TMC5: variants seen among roughly 807,000 people sequenced by gnomAD.
TMC5 encodes the protein transmembrane channel-like protein 5.
A neutral mutation model predicts 110.5 loss-of-function variants in TMC5; 86 were observed. The ratio of observed to expected loss-of-function variants is 0.78; its 90% CI spans 0.65 to 0.93. The LOEUF (loss-of-function observed/expected upper bound fraction) is 0.93, where lower values mean the gene tolerates loss of function less well. Among genes scored for constraint, TMC5 ranks in the 40% least tolerant of loss-of-function variants. The pLI, the probability that TMC5 is intolerant of heterozygous loss-of-function variation, is 0.00. For synonymous variants in TMC5, 455 were observed against 439.5 expected (o/e 1.04, Z -0.44); for missense variants, 1,144 against 1,222.8 (o/e 0.94, Z 0.96).
rs376452828 is a variant in TMC5 at position 19,445,038 on chromosome 16, A to G, written c.958+788A>G. ...GCCATACTCGGGAGGCTAAGGCAGA[A>G]GAATCACTTGAACCCAGGAGGCGGA... On this transcript the variant is annotated intron_variant, in intron 4 of 21. Transcript: ENST00000542583. Among the ~76,000 whole-genome samples the G allele has an allele frequency of 3.7e-4, 56 of 152,324 alleles. 1 individual carries two copies. The South Asian group carries it at 8.7e-3, about 24-fold the overall frequency.
At chr16:19,481,342 G>A (rs749466977) in intron 14 of TMC5, 28 bp from the exon 15 acceptor site, 1 of 1,493,032 alleles carries the variant, frequency 6.7e-7, no homozygotes, top group Non-Finnish European at 9.3e-7. Flanking sequence ...GTTATGGTTT[G>A]GGTACTAAAC....
At chr16:19,431,559 AGAAG>A (rs1483721284) in intron 2 of TMC5, among the ~76,000 whole-genome samples, 92 of 149,900 alleles carry the variant, frequency 6.1e-4, no homozygotes, top group African/African-American at 1.9e-3. Context: ...AAAAAAAAAA[AGAAG>A]AAGAAGAAGA....
chr16:19,453,876 T>G (rs1029886932), intron 5 of TMC5, among the ~76,000 whole-genome samples: 7 of 152,212 alleles, frequency 4.6e-5, no homozygotes, highest in African/African-American at 1.7e-4. Context: ...CGTGCTTATA[T>G]TCATTCATTT....
chr16:19,447,728 A>AT (rs997578959), intron 4 of TMC5, among the ~76,000 whole-genome samples: 6 of 151,668 alleles, frequency 4.0e-5, no homozygotes, highest in African/African-American at 1.5e-4. Flanking sequence ...CAATTTTTTT[A>AT]TTTTTTGTAG....
At chr16:19,497,274 G>T in intron 21 of TMC5, 111 bp downstream of exon 21, 3 of 1,162,014 alleles carry the variant, frequency 2.6e-6, no homozygotes, top group Admixed American at 1.9e-5. Context: ...TTGCAAATTG[G>T]ATCCAAACTG....
chr16:19,485,673 A>G (rs1242462399), intron 15 of TMC5, among the ~76,000 whole-genome samples: 1 of 152,248 alleles, frequency 6.6e-6, no homozygotes, highest in African/African-American at 2.4e-5. Context: ...AGAAATCACA[A>G]ATAACTGGAA....
intron 5 of TMC5, among the ~76,000 whole-genome samples, chr16:19,458,255 G>T (rs896672926): frequency 6.6e-5 from 10 of 152,060 alleles, no homozygotes; most frequent in Non-Finnish European, 1.5e-4. Flanking sequence ...TTGTTGCCCA[G>T]GCTGAAGTGC....
intron 1 of TMC5, among the ~76,000 whole-genome samples, chr16:19,418,620 T>C (rs764527563): frequency 9.9e-5 from 15 of 152,146 alleles, no homozygotes; most frequent in Non-Finnish European, 2.2e-4. Flanking sequence ...AAAATCTATT[T>C]ACTTCTTTAT....
upstream of TMC5, among the ~76,000 whole-genome samples, chr16:19,413,303 C>A (rs1167469647): frequency 6.6e-6 from 1 of 151,790 alleles, no homozygotes; most frequent in Non-Finnish European, 1.5e-5. Context: ...GTGGGCAGAT[C>A]ACTTGAGTCC....
rs765870830 is a variant in TMC5 at position 19,440,013 on chromosome 16, C to T, written c.-26C>T. 6 of 1,581,056 alleles carry T rather than the reference C, an allele frequency of 3.8e-6. No homozygotes were observed. In the African/African-American group the frequency reaches 5.4e-5, roughly 14 times the overall value. On this transcript the variant is annotated 5_prime_UTR_variant, in exon 3 of 22. Transcript: ENST00000542583. ...TTGCAAATGCTGGGACAGTTTACCA[C>T]TCCAGGGTGAAGAGTCCATACCAAC...
At chr16:19,412,871 G>A (rs1033969522) in intron 1 of TMC5, among the ~76,000 whole-genome samples, 8 of 152,120 alleles carry the variant, frequency 5.3e-5, no homozygotes, top group Non-Finnish European at 1.0e-4. Flanking sequence ...TAGAGACTGA[G>A]TCTTGCTCTG....
At position 19,419,177 on chromosome 16, in the gene TMC5, GATA is replaced by G. The variant is rs548020270; in HGVS notation, c.-308+1092_-308+1094del. 1.3e-3 allele frequency among the ~76,000 whole-genome samples: 204 copies of G among 152,258 alleles called. 1 individual carries two copies. Among genetic ancestry groups the G allele is most frequent in the African/African-American group, 4.7e-3 (194 of 41,558 alleles). On this transcript the variant is annotated intron_variant, in intron 1 of 21. Transcript: ENST00000542583. ...GGTCTCAATGTAATCATAAAATGGG[GATA>G]ATAATACCTCCCCATAAAGTTGTTT...
rs1163084419 is a variant in TMC5, at chr16:19,463,298, A to G, written c.1167A>G (p.Glu389=). ...KRNLRKIVDK[E]KSKQTHRILQ... ...CCTACAGGAAAATAGTTGACAAAGAAAAAAGCAAACAGACCCATCGTATCC... is the reference window on the plus strand; with the variant it reads ...CCTACAGGAAAATAGTTGACAAAGAGAAAAGCAAACAGACCCATCGTATCC... The change falls in exon 7 of 22, where the codon GAA becomes GAG. Residue 389 remains glutamate (E), a synonymous_variant. Transcript: ENST00000542583. The G allele has an allele frequency of 6.2e-7, 1 of 1,614,000 alleles. No individual in the cohort carries two copies. The highest frequency in any genetic ancestry group is 1.3e-5 in the African/African-American group (1 of 75,040).
At chr16:19,443,112 C>A (rs2143478784) in intron 3 of TMC5, among the ~76,000 whole-genome samples, 1 of 152,320 alleles carries the variant, frequency 6.6e-6, no homozygotes, top group East Asian at 1.9e-4. Flanking sequence ...ACCTTATACT[C>A]TAGGTCAGTG....
chr16:19,491,591 A>G (rs575544052), intron 18 of TMC5, among the ~76,000 whole-genome samples: 49 of 141,894 alleles, frequency 3.5e-4, no homozygotes, highest in Non-Finnish European at 5.7e-4. Flanking sequence ...GCTGGAGTGC[A>G]CTGGCGCGAT....
intron 14 of TMC5, among the ~76,000 whole-genome samples, chr16:19,480,864 T>C (rs150131972): frequency 1.3e-5 from 2 of 150,236 alleles, no homozygotes; most frequent in African/African-American, 4.9e-5. Flanking sequence ...TTTTTTTAAA[T>C]TGGCAACTCA....
intron 1 of TMC5, among the ~76,000 whole-genome samples, chr16:19,412,196 G>T (rs566626973): frequency 2.3e-4 from 33 of 146,020 alleles, no homozygotes; most frequent in South Asian, 1.8e-3. Flanking sequence ...TCAGCCTCCC[G>T]AGTAGCTGGG....
At chr16:19,497,677 G>T (rs1482318754) in intron 21 of TMC5, among the ~76,000 whole-genome samples, 2 of 152,170 alleles carry the variant, frequency 1.3e-5, no homozygotes, top group East Asian at 3.8e-4. Context: ...GAAAATCTGG[G>T]GCTGATGCCA....
intron 19 of TMC5, among the ~76,000 whole-genome samples, chr16:19,493,753 G>A (rs545629239): frequency 1.3e-5 from 2 of 152,160 alleles, no homozygotes; most frequent in East Asian, 3.9e-4. Flanking sequence ...GAGCCACTGC[G>A]CCCAGCCAAT....
Sources: allele counts gnomAD v4.1 joint callset (sites outside exome capture counted in the v4.1 genomes callset), GRCh38; gene constraint gnomAD v4.1.1; transcripts MANE v1.5; gene names NCBI Gene and HGNC (gene_info 2026-07-23, HGNC 2026-07-21).